The following CTNND2 variants were observed in gnomAD, a reference collection of about 807,000 sequenced individuals.
CTNND2 encodes the protein catenin delta-2.
A neutral mutation model predicts 144.4 loss-of-function variants in CTNND2; 22 were observed. The ratio of observed to expected loss-of-function variants is 0.15; its 90% CI spans 0.11 to 0.22. The LOEUF is 0.22. Ranked by LOEUF, CTNND2 falls within the 10% of genes least tolerant of loss-of-function variation. The pLI is 1.00. For missense variants in CTNND2, 1,353 were observed against 1,618.8 expected (o/e 0.84, Z 2.82); for synonymous variants, 751 against 695.6 (o/e 1.08, Z -1.25).
rs918155262 is a variant in CTNND2 at position 11,463,590 on chromosome 5, C to A, written c.288-51521G>T. ...TTCCATGCCCCCATGTTCTGGCTTA[C>A]TCCTTGCCAAGAGTGCGGTATGATA... On this transcript the variant is annotated intron_variant, in intron 3 of 21. Coordinates refer to ENST00000304623, the MANE Select transcript of CTNND2 (RefSeq NM_001332.4). Among the ~76,000 whole-genome samples the A allele has an allele frequency of 3.3e-5, 5 of 152,150 alleles. No individual in the cohort carries two copies. The East Asian group carries it at 9.7e-4, about 29-fold the overall frequency.
chr5:11,011,757 G>A (rs1265667554), intron 18 of CTNND2, among the ~76,000 whole-genome samples: 1 of 152,180 alleles, frequency 6.6e-6, no homozygotes. Flanking sequence ...GGGCACGGAA[G>A]CATGCAGGTA....
chr5:11,396,895 G>C, intron 6 of CTNND2, 136 bp downstream of exon 6: 12 of 724,524 alleles, frequency 1.7e-5, no homozygotes, highest in Non-Finnish European at 2.3e-6. Flanking sequence ...AGCACCAAAG[G>C]GCATTTTCCC....
At chr5:11,897,987 C>T (rs974099166) in intron 1 of CTNND2, among the ~76,000 whole-genome samples, 3 of 152,212 alleles carry the variant, frequency 2.0e-5, no homozygotes, top group African/African-American at 7.2e-5. Context: ...TGCCTTGCTG[C>T]TTCTCTCTTC....
In CTNND2 at chr5:11,115,916, C is replaced by T. The variant is rs143096587; in HGVS notation, c.2277+1534G>A. 3.9e-3 allele frequency among the ~76,000 whole-genome samples: 597 copies of T among 152,246 alleles called. 4 individuals are homozygous for T. The highest frequency in any genetic ancestry group is 0.011 in the South Asian group (52 of 4,822). Reference sequence around the variant, plus strand: ...GAAGTGCTATGCTAACTTATACACACAGCCAATTAATGACTACATGGATAG... The same window carrying T: ...GAAGTGCTATGCTAACTTATACACATAGCCAATTAATGACTACATGGATAG... On this transcript the variant is annotated intron_variant, in intron 13 of 21. Coordinates refer to ENST00000304623, the MANE Select transcript of CTNND2 (RefSeq NM_001332.4).
At chr5:11,810,155 T>G (rs1255713016) in intron 1 of CTNND2, among the ~76,000 whole-genome samples, 1 of 152,196 alleles carries the variant, frequency 6.6e-6, no homozygotes, top group Non-Finnish European at 1.5e-5. Context: ...CTATGCTATA[T>G]TTTTATAGGA....
At chr5:11,423,071 C>T (rs1762496850) in intron 3 of CTNND2, among the ~76,000 whole-genome samples, 1 of 152,180 alleles carries the variant, frequency 6.6e-6, no homozygotes, top group Admixed American at 6.5e-5. Flanking sequence ...GTATCTTTGC[C>T]AGTGGGCATT....
chr5:11,840,234 T>A (rs1376415000), intron 1 of CTNND2, among the ~76,000 whole-genome samples: 2 of 152,168 alleles, frequency 1.3e-5, no homozygotes, highest in African/African-American at 4.8e-5. Flanking sequence ...GATGCCTGTC[T>A]TTCCAAAACA....
chr5:11,162,795 G>C (rs1580457861), intron 11 of CTNND2, among the ~76,000 whole-genome samples: 1 of 151,758 alleles, frequency 6.6e-6, no homozygotes, highest in Non-Finnish European at 1.5e-5. Context: ...CATAGAAGCA[G>C]CAGTTTCTGG....
At chr5:11,080,325 G>A (rs574069186) in intron 16 of CTNND2, among the ~76,000 whole-genome samples, 3 of 152,304 alleles carry the variant, frequency 2.0e-5, no homozygotes, top group African/African-American at 7.2e-5. Flanking sequence ...GTGTTGGTGA[G>A]GATGCAGAGA....
chr5:11,170,521 A>C (rs1231165460), intron 11 of CTNND2, among the ~76,000 whole-genome samples: 1 of 152,122 alleles, frequency 6.6e-6, no homozygotes, highest in Non-Finnish European at 1.5e-5. Flanking sequence ...TTTACAACTA[A>C]TTTTTCTTGC....
rs185320639 is a variant in CTNND2 at position 11,301,421 on chromosome 5, C to T, written c.1628+44951G>A. The stretch of plus-strand genomic sequence containing the variant: ...AGGGAAAAAACAAAGGAGATTCCAA[C>T]GTGTGTGTGTGATTCCAACACTATG... On this transcript the variant is annotated intron_variant, in intron 9 of 21. Transcript: ENST00000304623. 8.8e-3 allele frequency among the ~76,000 whole-genome samples: 1,335 copies of T among 152,142 alleles called. 14 individuals are homozygous for T. The highest frequency in any genetic ancestry group is 0.013 in the Non-Finnish European group (882 of 67,998).
At chr5:11,228,810 T>C (rs1561055043) in intron 10 of CTNND2, among the ~76,000 whole-genome samples, 2 of 152,206 alleles carry the variant, frequency 1.3e-5, no homozygotes, top group Non-Finnish European at 1.5e-5. Flanking sequence ...CTATATGCTA[T>C]TGATATTTGG....
intron 10 of CTNND2, among the ~76,000 whole-genome samples, chr5:11,234,887 G>T (rs994556972): frequency 3.9e-5 from 6 of 152,162 alleles, no homozygotes. Context: ...GGTATCCGCA[G>T]GAGTTTCAAC....
At chr5:11,397,243 A>C (rs899572296) in intron 5 of CTNND2, 40 bp from the exon 6 acceptor site, 1 of 1,567,296 alleles carries the variant, frequency 6.4e-7, no homozygotes, top group Non-Finnish European at 8.8e-7. Context: ...TGACAGTCTC[A>C]GTGAAGCAGA....
intron 16 of CTNND2, among the ~76,000 whole-genome samples, chr5:11,023,461 C>T (rs911225227): frequency 3.2e-4 from 49 of 152,228 alleles, no homozygotes; most frequent in African/African-American, 1.0e-3. Flanking sequence ...AGCTATGTTG[C>T]GGCCTGTATT....
At chr5:11,809,898 G>A (rs560544514) in intron 1 of CTNND2, among the ~76,000 whole-genome samples, 1 of 152,270 alleles carries the variant, frequency 6.6e-6, no homozygotes, top group African/African-American at 2.4e-5. Flanking sequence ...GTTCTCAATG[G>A]AAGAGCAGAA....
At position 11,717,504 on chromosome 5, in the gene CTNND2, G is replaced by T. The variant is rs571134762; in HGVS notation, c.174+14632C>A. On this transcript the variant is annotated intron_variant, in intron 2 of 21. Transcript: ENST00000304623. ...AGGTGGGAGAATTGCTAGAACCCTG[G>T]GGGCAGAGGTTGCAGTGAGCTGAGA... Among the ~76,000 whole-genome samples the T allele has an allele frequency of 1.9e-4, 29 of 151,814 alleles. No homozygotes were observed. In the East Asian group the frequency reaches 5.6e-3, roughly 29 times the overall value.
intron 8 of CTNND2, among the ~76,000 whole-genome samples, chr5:11,352,198 T>A (rs1300262158): frequency 1.3e-5 from 2 of 152,224 alleles, no homozygotes; most frequent in Non-Finnish European, 2.9e-5. Flanking sequence ...TCATTGGTGT[T>A]GACCTTGTTT....
intron 1 of CTNND2, among the ~76,000 whole-genome samples, chr5:11,898,354 A>G (rs1263107206): frequency 1.3e-5 from 2 of 152,238 alleles, no homozygotes; most frequent in Non-Finnish European, 2.9e-5. Flanking sequence ...ATGCAAAGAG[A>G]TAATACAATA....
Sources: gnomAD v4.1 joint callset for allele counts (sites outside exome capture counted in the v4.1 genomes callset) on GRCh38, gnomAD v4.1.1 for gene constraint, MANE v1.5 for transcripts, NCBI Gene and HGNC (gene_info 2026-07-23, HGNC 2026-07-21) for gene names.